GPC5: variants seen among roughly 807,000 people sequenced by gnomAD.
GPC5 encodes glypican-5.
Under a neutral mutation model 53.9 loss-of-function variants are expected in GPC5, and 47 were observed. The ratio of observed to expected loss-of-function variants is 0.87; its 90% CI spans 0.69 to 1.11. The LOEUF is 1.11. GPC5 is among the 50% of genes most tolerant of loss of function. GPC5 has a pLI of 0.00. For missense variants in GPC5, 748 were observed against 713.1 expected, an observed-to-expected ratio of 1.05 and a Z score of -0.56; for synonymous variants, 286 against 263.3, an observed-to-expected ratio of 1.09 and a Z score of -0.84.
chr13:92,494,100 G>T (rs60017619), intron 7 of GPC5, among the ~76,000 whole-genome samples: 4,228 of 112,564 alleles, frequency 0.038, 201 homozygotes, highest in African/African-American at 0.12. Context: ...GTTTTGTTTT[G>T]TTTTTTTGAG....
At chr13:92,714,842 T>C (rs1047571617) in intron 7 of GPC5, among the ~76,000 whole-genome samples, 9 of 152,072 alleles carry the variant, frequency 5.9e-5, no homozygotes, top group Non-Finnish European at 1.5e-5. Flanking sequence ...CCGAGGCAAG[T>C]GGATCACGAG....
intron 7 of GPC5, among the ~76,000 whole-genome samples, chr13:92,610,030 C>CAAAAAAAAAAAAAAAAA (rs56913637): frequency 1.4e-5 from 1 of 70,838 alleles, no homozygotes; most frequent in Non-Finnish European, 2.5e-5. Context: ...GACTCCATCT[C>CAAAAAAAAAAAAAAAAA]AAAAAAAAAA....
chr13:92,487,561 G>A (rs891422393), intron 7 of GPC5, among the ~76,000 whole-genome samples: 3 of 152,130 alleles, frequency 2.0e-5, no homozygotes, highest in Non-Finnish European at 4.4e-5. Context: ...ATTTCAAAGA[G>A]TAGAAAACTT....
chr13:91,796,205 C>T (rs1233465234), intron 5 of GPC5, among the ~76,000 whole-genome samples: 12 of 152,146 alleles, frequency 7.9e-5, no homozygotes, highest in South Asian at 6.2e-4. Flanking sequence ...GACTAGTGTT[C>T]GGCTCCATTA....
At chr13:92,144,103 A>T (rs767929443) in intron 6 of GPC5, among the ~76,000 whole-genome samples, 3 of 152,204 alleles carry the variant, frequency 2.0e-5, no homozygotes, top group Non-Finnish European at 4.4e-5. Flanking sequence ...CTGAAAAGAC[A>T]TTCAGAAATT....
intron 7 of GPC5, among the ~76,000 whole-genome samples, chr13:92,792,411 A>C (rs1855444435): frequency 6.6e-6 from 1 of 152,200 alleles, no homozygotes; most frequent in African/African-American, 2.4e-5. Flanking sequence ...AGGAAGCACT[A>C]AACATGGAAT....
At position 91,886,983 on chromosome 13, in the gene GPC5, G is replaced by A. The variant is rs7982647; in HGVS notation, c.1281-20954G>A. ...TCTTCTCACAGCTTCACTAGGCAGC[G>A]CCCCAGTAAGGATTCTGTGTGGGGG... On this transcript the variant is annotated intron_variant, in intron 5 of 7. Coordinates refer to ENST00000377067, the MANE Select transcript of GPC5 (RefSeq NM_004466.6). Among the ~76,000 whole-genome samples, 803 of 152,190 alleles carry A rather than the reference G, an allele frequency of 5.3e-3. 9 individuals are homozygous for A. Among genetic ancestry groups the A allele is most frequent in the African/African-American group, 0.018 (753 of 41,516 alleles).
At chr13:92,078,263 A>T (rs1488744572) in intron 6 of GPC5, among the ~76,000 whole-genome samples, 1 of 152,228 alleles carries the variant, frequency 6.6e-6, no homozygotes, top group Non-Finnish European at 1.5e-5. Flanking sequence ...GTCATTTTAC[A>T]GTGAGTCTCA....
rs184460207 is a variant in GPC5, at chr13:92,269,915, T to G, written c.1561+124926T>G. Among the ~76,000 whole-genome samples, 509 of 152,260 alleles carry G rather than the reference T, an allele frequency of 3.3e-3. 7 individuals carry two copies. Among genetic ancestry groups the G allele is most frequent in the African/African-American group, 0.011 (471 of 41,538 alleles). On this transcript the variant is annotated intron_variant, in intron 7 of 7. Transcript: ENST00000377067. ...CAGCATTTCTCATTTATGTTGCTAA[T>G]TAGTAAGCATCCCTACCAAAGTCTA...
intron 7 of GPC5, among the ~76,000 whole-genome samples, chr13:92,677,905 A>G (rs1276007282): frequency 2.6e-5 from 4 of 152,206 alleles, no homozygotes; most frequent in Non-Finnish European, 5.9e-5. Flanking sequence ...GGGTTGTCAT[A>G]TTTGAAAAAA....
intron 5 of GPC5, among the ~76,000 whole-genome samples, chr13:91,795,586 ACTT>A (rs2038033716): frequency 6.6e-6 from 1 of 152,138 alleles, no homozygotes; most frequent in East Asian, 1.9e-4. Flanking sequence ...CAATATGTTG[ACTT>A]CTTCTAGGGT....
chr13:92,065,059 A>C (rs926156453), intron 6 of GPC5, among the ~76,000 whole-genome samples: 3 of 152,184 alleles, frequency 2.0e-5, no homozygotes, highest in Admixed American at 6.5e-5. Flanking sequence ...CTCTCAGATC[A>C]GTGTTCTTAA....
intron 2 of GPC5, among the ~76,000 whole-genome samples, chr13:91,653,670 C>T (rs2034775095): frequency 6.6e-6 from 1 of 152,018 alleles, no homozygotes; most frequent in Non-Finnish European, 1.5e-5. Flanking sequence ...TTTCTTCTCC[C>T]TAGCTTCCCC....
At chr13:92,275,410 CTACT>C (rs1469895057) in intron 7 of GPC5, among the ~76,000 whole-genome samples, 1 of 152,090 alleles carries the variant, frequency 6.6e-6, no homozygotes, top group Non-Finnish European at 1.5e-5. Context: ...CACACTAAAA[CTACT>C]TAATGCAATG....
At chr13:92,560,636 C>A (rs1466077556) in intron 7 of GPC5, among the ~76,000 whole-genome samples, 2 of 151,916 alleles carry the variant, frequency 1.3e-5, no homozygotes. Flanking sequence ...CCATACCAGG[C>A]AAAAGGTGGA....
intron 7 of GPC5, chr13:92,241,613 T>A (rs1203151084): frequency 6.6e-6 from 1 of 152,204 alleles, no homozygotes; most frequent in African/African-American, 2.4e-5. Flanking sequence ...TACAGCAATT[T>A]TAGTGAGAGC....
intron 7 of GPC5, among the ~76,000 whole-genome samples, chr13:92,247,992 T>C (rs1329950554): frequency 6.6e-6 from 1 of 151,902 alleles, no homozygotes; most frequent in African/African-American, 2.4e-5. Context: ...CCAGCACACA[T>C]AAACATGATA....
chr13:92,579,627 T>C (rs1883311458), intron 7 of GPC5, among the ~76,000 whole-genome samples: 1 of 152,076 alleles, frequency 6.6e-6, no homozygotes, highest in Non-Finnish European at 1.5e-5. Context: ...GAGAGAATCT[T>C]ATCTAATGGC....
At chr13:92,654,191 A>G (rs1444633826) in intron 7 of GPC5, among the ~76,000 whole-genome samples, 1 of 152,206 alleles carries the variant, frequency 6.6e-6, no homozygotes, top group East Asian at 1.9e-4. Flanking sequence ...GTGAATGAAT[A>G]CCCTTAAAAT....
Sources: allele counts gnomAD v4.1 joint callset (sites outside exome capture counted in the v4.1 genomes callset), GRCh38; gene constraint gnomAD v4.1.1; transcripts MANE v1.5; gene names NCBI Gene and HGNC (gene_info 2026-07-23, HGNC 2026-07-21).